TMEM243: variants seen among roughly 807,000 people sequenced by gnomAD.
TMEM243 encodes the protein transmembrane protein 243.
A neutral mutation model predicts 15.0 loss-of-function variants in TMEM243; 20 were observed. That is an observed-to-expected ratio of 1.33 (90% CI 0.94 to 1.93). The LOEUF (loss-of-function observed/expected upper bound fraction) is 1.93. Among genes scored for constraint, TMEM243 ranks in the 30% most tolerant of loss-of-function variants. TMEM243 has a pLI of 0.00. For synonymous variants in TMEM243, 72 were observed against 52.7 expected (o/e 1.37, Z -1.59); for missense variants, 156 against 142.1 (o/e 1.10, Z -0.50).
chr7:87,196,403 CTG>C lies in TMEM243; in HGVS notation c.*231_*232del, dbSNP rs1801235317. Reference sequence around the variant, plus strand: ...ATTTCAAAAGTGAAATTTTTTTGTGCTGTTTTAGCTTTAAGGGTTGGAATGTT... The same window carrying C: ...ATTTCAAAAGTGAAATTTTTTTGTGCTTTTAGCTTTAAGGGTTGGAATGTT... On this transcript the variant is annotated 3_prime_UTR_variant, in exon 4 of 4. Transcript: ENST00000257637. The C allele has an allele frequency of 5.5e-6, 2 of 364,276 alleles. No individual in the cohort carries two copies. Among genetic ancestry groups the C allele is most frequent in the African/African-American group, 2.1e-5 (1 of 47,198 alleles). The allele number at this position is 364,276 out of a possible 1,614,324, so 22.6% of individuals were successfully genotyped here.
chr7:87,214,250 G>C (rs1802954952), intron 1 of TMEM243, among the ~76,000 whole-genome samples: 1 of 152,210 alleles, frequency 6.6e-6, no homozygotes, highest in African/African-American at 2.4e-5. Flanking sequence ...TTGAGATCAA[G>C]ACTGACTCGC....
At chr7:87,210,604 C>G (rs1802676203) in intron 1 of TMEM243, among the ~76,000 whole-genome samples, 1 of 152,232 alleles carries the variant, frequency 6.6e-6, no homozygotes, top group Non-Finnish European at 1.5e-5. Context: ...GTCATTAAGT[C>G]TTAAAGCTCC....
At chr7:87,200,814 T>C (rs73208537) in intron 1 of TMEM243, among the ~76,000 whole-genome samples, 6,930 of 152,268 alleles carry the variant, frequency 0.046, 188 homozygotes, top group Middle Eastern at 0.071. Context: ...TTTCCCTATT[T>C]ATGCTTCTCA....
In TMEM243 at chr7:87,197,986, G is replaced by T. The variant is rs111700668; in HGVS notation, c.189C>A (p.Phe63Leu). Reference protein sequence around the residue: ...PQLPPKPLNIFFAVCISLSSI... With the variant: ...PQLPPKPLNILFAVCISLSSI... ...TACTCAAAGAGATGCAGACAGCAAA[G>T]AATATATTCAACGGTTTTGGAGGTA... is the stretch of plus-strand genomic sequence containing the variant. The change falls in exon 3 of 4, where the codon TTC (phenylalanine) becomes TTA (leucine). Residue 63 changes from phenylalanine to leucine, a missense_variant. By Grantham distance (22) the Phe-to-Leu change is conservative. Transcript: ENST00000257637. The T allele has an allele frequency of 4.1e-3, 6,597 of 1,613,008 alleles. 21 individuals are homozygous for T. Among genetic ancestry groups the T allele is most frequent in the Non-Finnish European group, 4.3e-3 (5,125 of 1,179,326 alleles).
chr7:87,208,561 G>A lies in TMEM243; in HGVS notation c.79-9504C>T, dbSNP rs527392334. ...AACCTCCAACCACTTCTAGATACCA[G>A]CAATAGGCCTTGCTCTGAAGTCTTT... On this transcript the variant is annotated intron_variant, in intron 1 of 3. Transcript: ENST00000257637. 2.5e-3 allele frequency among the ~76,000 whole-genome samples: 387 copies of A among 152,298 alleles called. 1 individual carries two copies. Among genetic ancestry groups the A allele is most frequent in the African/African-American group, 8.9e-3 (370 of 41,552 alleles).
At chr7:87,205,156 AG>A (rs1398067040) in intron 1 of TMEM243, among the ~76,000 whole-genome samples, 2 of 152,188 alleles carry the variant, frequency 1.3e-5, no homozygotes, top group East Asian at 1.9e-4. Flanking sequence ...CATACAGCAG[AG>A]GGGGGCCTGG....
intron 3 of TMEM243, chr7:87,197,712 T>A: frequency 1.2e-6 from 1 of 849,500 alleles, no homozygotes; most frequent in African/African-American, 2.9e-5. Flanking sequence ...TTTTTTTTTT[T>A]TTTTAAGCTA....
intron 1 of TMEM243, among the ~76,000 whole-genome samples, chr7:87,216,577 A>G (rs1803137447): frequency 6.6e-6 from 1 of 152,226 alleles, no homozygotes; most frequent in Admixed American, 6.5e-5. Flanking sequence ...TTCATGCTAA[A>G]GATTGAACAA....
chr7:87,197,717 AAGC>A, intron 3 of TMEM243: 9 of 251,346 alleles, frequency 3.6e-5, no homozygotes, highest in Non-Finnish European at 3.7e-5. Context: ...TTTTTTTTTT[AAGC>A]TATCAAGGGA....
At chr7:87,215,408 A>T (rs1017243042) in intron 1 of TMEM243, among the ~76,000 whole-genome samples, 1 of 151,990 alleles carries the variant, frequency 6.6e-6, no homozygotes, top group East Asian at 1.9e-4. Flanking sequence ...CTAGTTTAAA[A>T]TTTTTTTTTA....
intron 1 of TMEM243, among the ~76,000 whole-genome samples, chr7:87,199,911 C>T (rs1801657718): frequency 6.6e-6 from 1 of 152,130 alleles, no homozygotes; most frequent in Admixed American, 6.6e-5. Context: ...AGTCTTATTT[C>T]TGAGAAGTCA....
intron 1 of TMEM243, among the ~76,000 whole-genome samples, chr7:87,205,206 A>T (rs1802115849): frequency 6.6e-6 from 1 of 152,212 alleles, no homozygotes; most frequent in South Asian, 2.1e-4. Flanking sequence ...CTAGGCCTCT[A>T]GGCCTGTGAT....
chr7:87,196,781 T>C, intron 3 of TMEM243, 23 bp from the exon 4 acceptor site: 1 of 1,479,758 alleles, frequency 6.8e-7, no homozygotes, highest in East Asian at 2.4e-5. Context: ...TTAAAGTTTA[T>C]AAATTAAAAT....
At chr7:87,209,843 AGT>A (rs1331391937) in intron 1 of TMEM243, among the ~76,000 whole-genome samples, 19 of 137,532 alleles carry the variant, frequency 1.4e-4, no homozygotes, top group South Asian at 7.2e-4. Context: ...AGAGAGAGAC[AGT>A]GAGAGCGAGA....
intron 1 of TMEM243, among the ~76,000 whole-genome samples, chr7:87,207,513 G>T (rs199668822): frequency 9.8e-5 from 1 of 10,178 alleles, no homozygotes; most frequent in Non-Finnish European, 2.7e-4. Context: ...GGAGAATGGC[G>T]TGAACCTGGG....
chr7:87,205,950 G>A lies in TMEM243; in HGVS notation c.79-6893C>T, dbSNP rs560590333. Among the ~76,000 whole-genome samples the A allele has an allele frequency of 7.9e-5, 12 of 152,248 alleles. No homozygotes were observed. In the South Asian group the frequency reaches 2.1e-3, roughly 26 times the overall value. On this transcript the variant is annotated intron_variant, in intron 1 of 3. Transcript: ENST00000257637. ...TGTATTAGCCCGTTTTCACACTGCT[G>A]ATAAAGACATACCTGAGACTGGGTA...
At chr7:87,215,496 T>C (rs996380672) in intron 1 of TMEM243, among the ~76,000 whole-genome samples, 2 of 152,230 alleles carry the variant, frequency 1.3e-5, no homozygotes, top group African/African-American at 2.4e-5. Context: ...ATATTTCACT[T>C]GTTTCTTTAT....
intron 1 of TMEM243, chr7:87,216,952 T>A (rs929786864): frequency 2.0e-5 from 3 of 152,208 alleles, no homozygotes; most frequent in Non-Finnish European, 4.4e-5. Flanking sequence ...CTTAGTTGTA[T>A]AACAGAAATA....
At position 87,219,446 on chromosome 7, in the gene TMEM243, A is replaced by AC. The variant is rs751665455; in HGVS notation, c.57dup (p.Phe20ValfsTer53). The AC allele has an allele frequency of 6.2e-7, 1 of 1,614,180 alleles. No homozygotes were observed. Among genetic ancestry groups the AC allele is most frequent in the Non-Finnish European group, 8.5e-7 (1 of 1,180,008 alleles). The stretch of plus-strand genomic sequence containing the variant: ...CTCACCTTGGCGGACGTCTCCCCAA[A>AC]CAGAGGTCTGTTGTCCAGGCCACTG... On this transcript the variant is annotated frameshift_variant, in exon 1 of 4. Coordinates refer to ENST00000257637, the MANE Select transcript of TMEM243 (RefSeq NM_024315.4). LOFTEE classifies it high-confidence loss of function.
Sources: gnomAD v4.1 joint callset for allele counts (sites outside exome capture counted in the v4.1 genomes callset) on GRCh38, gnomAD v4.1.1 for gene constraint, MANE v1.5 for transcripts, NCBI Gene and HGNC (gene_info 2026-07-23, HGNC 2026-07-21) for gene names.